Variants in ABCA3 observed in about 807,000 individuals in gnomAD.
ABCA3 encodes ATP binding cassette subfamily A member 3.
In ABCA3, 88 loss-of-function variants were observed where a neutral mutation model predicts 172.8. The observed-to-expected ratio is 0.51, with a 90% CI of 0.43 to 0.61. ABCA3 has a LOEUF of 0.61. ABCA3 is among the 20% of genes least tolerant of loss of function. The pLI, the probability that ABCA3 is intolerant of heterozygous loss-of-function variation, is 0.00. For synonymous variants in ABCA3, 1,066 were observed against 983.8 expected (o/e 1.08, Z -1.56); for missense variants, 2,164 against 2,301.0 (o/e 0.94, Z 1.22).
At position 2,297,031 on chromosome 16, in the gene ABCA3, G is replaced by A. The variant is rs541078928; in HGVS notation, c.2263+298C>T. 6.6e-6 allele frequency among the ~76,000 whole-genome samples: 1 copy of A among 152,304 alleles called. No homozygotes were observed. The highest frequency in any genetic ancestry group is 2.4e-5 in the African/African-American group (1 of 41,568). On this transcript the variant is annotated intron_variant, in intron 17 of 32. Transcript: ENST00000301732. This position sits in a 1 kb window ranked among gnomAD's most constrained non-coding sequence, Gnocchi z 5.6. Reference sequence around the variant, plus strand: ...CTCACGTGGGAGCTGCCATGTTGGTGCGTGTGTTGGCCTCTCCAAGGGCAG... The same window carrying A: ...CTCACGTGGGAGCTGCCATGTTGGTACGTGTGTTGGCCTCTCCAAGGGCAG...
rs2093662216 is a variant in ABCA3, at chr16:2,285,788, T to C, written c.3279-142A>G. 6 of 797,028 alleles carry C rather than the reference T, an allele frequency of 7.5e-6. No individual in the cohort carries two copies. The highest frequency in any genetic ancestry group is 2.7e-5 in the East Asian group (1 of 37,584). The allele number at this position is 797,028 out of a possible 1,614,324, so 49.4% of individuals were successfully genotyped here. A position where few individuals can be genotyped will look rare whatever the true frequency, so the allele number is the denominator to read the frequency against. ...GGCTTATGGGAGAGCACAAGCACCA[T>C]GGTTCCATACCGGGAACATCTGCCC... On this transcript the variant is annotated intron_variant, in intron 22 of 32. Coordinates refer to ENST00000301732, the MANE Select transcript of ABCA3 (RefSeq NM_001089.3). This position sits in a 1 kb window ranked among gnomAD's most constrained non-coding sequence, Gnocchi z 4.7.
chr16:2,329,140 T>C (rs924886009), intron 2 of ABCA3, among the ~76,000 whole-genome samples: 1 of 152,118 alleles, frequency 6.6e-6, no homozygotes, highest in African/African-American at 2.4e-5. Flanking sequence ...ATGAATCATA[T>C]TGTTAAAAAG....
chr16:2,297,862 G>A lies in ABCA3; in HGVS notation c.1956C>T (p.Ile652=), dbSNP rs767451709. 4.8e-5 allele frequency: 78 copies of A among 1,613,716 alleles called. No homozygotes were observed. Among genetic ancestry groups the A allele is most frequent in the East Asian group, 4.0e-4 (18 of 44,866 alleles). Residue 652 remains isoleucine, a synonymous_variant, in exon 16 of 33, where the codon ATC becomes ATT. Transcript: ENST00000301732. The surrounding 1 kb of genome is among the most constrained non-coding windows in gnomAD (Gnocchi z 5.6). ...PEEVKQMLHI[I]GLEDKWNSRS... ...GTGAGTTCCACTTGTCCTCCAGGCC[G>A]ATGATGTGCAGCATCTGCTTGACTT...
At chr16:2,305,121 T>C (rs927061921) in intron 11 of ABCA3, among the ~76,000 whole-genome samples, 4 of 151,202 alleles carry the variant, frequency 2.6e-5, no homozygotes, top group Admixed American at 1.3e-4. Flanking sequence ...CCAGTATAAG[T>C]CTTTATTTGT....
intron 12 of ABCA3, among the ~76,000 whole-genome samples, chr16:2,302,644 T>A (rs1457150209): frequency 1.3e-5 from 2 of 152,030 alleles, no homozygotes. Flanking sequence ...CTGGCTAATT[T>A]TTTAAATTTT....
Position 2,297,205 on chromosome 16 carries a change from C to T in ABCA3, c.2263+124G>A, listed in dbSNP as rs2093681131. 4.6e-6 allele frequency: 5 copies of T among 1,083,330 alleles called. No individual in the cohort carries two copies. The highest frequency in any genetic ancestry group is 6.8e-6 in the Non-Finnish European group (5 of 734,458). 67.1% of individuals were successfully genotyped at this position (1,083,330 alleles called of 1,614,324 possible). A position where few individuals can be genotyped will look rare whatever the true frequency, so the allele number is the denominator to read the frequency against. On this transcript the variant is annotated intron_variant, in intron 17 of 32. Transcript: ENST00000301732. The surrounding 1 kb of genome is among the most constrained non-coding windows in gnomAD (Gnocchi z 5.6). Reference sequence around the variant, plus strand: ...GGTTGGGCTCTCCACCCAGAGGCAACAGACAGGAAGTCTAGAAAAGGCCAC... The same window carrying T: ...GGTTGGGCTCTCCACCCAGAGGCAATAGACAGGAAGTCTAGAAAAGGCCAC...
In ABCA3 at chr16:2,278,857, G is replaced by A; in HGVS notation, c.4547+86C>T. 1 of 1,580,198 alleles carries A rather than the reference G, an allele frequency of 6.3e-7. No individual in the cohort carries two copies. Among genetic ancestry groups the A allele is most frequent in the Non-Finnish European group, 8.6e-7 (1 of 1,156,524 alleles). ...GCCACAAGCAGGAGCTCTGGCTGCT[G>A]ACCTGAGCGGTCACTCCCAGCTCTA... On this transcript the variant is annotated intron_variant, in intron 29 of 32. Coordinates refer to ENST00000301732, the MANE Select transcript of ABCA3 (RefSeq NM_001089.3). The surrounding 1 kb of genome is among the most constrained non-coding windows in gnomAD (Gnocchi z 4.4).
intron 7 of ABCA3, among the ~76,000 whole-genome samples, chr16:2,321,629 T>C (rs1279419050): frequency 1.3e-5 from 2 of 152,066 alleles, no homozygotes; most frequent in African/African-American, 4.8e-5. Context: ...CCGAGTCACT[T>C]CTTGGCTGTC....
chr16:2,295,774 T>C, intron 17 of ABCA3, 34 bp from the exon 18 acceptor site: 2 of 1,613,226 alleles, frequency 1.2e-6, no homozygotes, highest in African/African-American at 2.7e-5. Context: ...GATCTTTGGC[T>C]GATCCCCCAG....
At chr16:2,326,807 G>A (rs2093735173) in intron 3 of ABCA3, among the ~76,000 whole-genome samples, 1 of 152,150 alleles carries the variant, frequency 6.6e-6, no homozygotes, top group South Asian at 2.1e-4. Context: ...GGCCAACATG[G>A]TGAAACCCCG....
In ABCA3 at chr16:2,284,322, G is replaced by C; in HGVS notation, c.3819C>G (p.Tyr1273Ter). 6.2e-7 allele frequency: 1 copy of C among 1,613,890 alleles called. No homozygotes were observed. Among genetic ancestry groups the C allele is most frequent in the Non-Finnish European group, 8.5e-7 (1 of 1,180,002 alleles). The change falls in exon 25 of 33, where the codon TAC becomes TAG. Residue 1273 changes from tyrosine (Y) to a stop codon, truncating the protein, a stop_gained. Transcript: ENST00000301732. LOFTEE classifies it high-confidence loss of function. The surrounding 1 kb of genome is among the most constrained non-coding windows in gnomAD (Gnocchi z 5.9). The stretch of plus-strand genomic sequence containing the variant: ...GGGCGGCGACCTCGGAGGAGGTGCA[G>C]TACCTCCGCGTCTCGTAGTTCTCGT... ...SFYENYETRR[Y>*]CTSSEVAAHY... is the part of the protein sequence containing the mutation.
chr16:2,303,591 A>G (rs1251057421), intron 12 of ABCA3, among the ~76,000 whole-genome samples: 1 of 152,028 alleles, frequency 6.6e-6, no homozygotes, highest in African/African-American at 2.4e-5. Flanking sequence ...TTTTTATAAG[A>G]AGCTAGATTT....
rs548032591 is a variant in ABCA3, at chr16:2,279,993, T to A, written c.4360-863A>T. Reference sequence around the variant, plus strand: ...CTCGAACTCTAGACCTCAAGTGATCTGCCTGCCTTGGCCTTCCAAAGCTGG... The same window carrying A: ...CTCGAACTCTAGACCTCAAGTGATCAGCCTGCCTTGGCCTTCCAAAGCTGG... On this transcript the variant is annotated intron_variant, in intron 28 of 32. Transcript: ENST00000301732. The surrounding 1 kb of genome is among the most constrained non-coding windows in gnomAD (Gnocchi z 4.4). 5.6e-4 allele frequency among the ~76,000 whole-genome samples: 85 copies of A among 152,370 alleles called. No homozygotes were observed. The highest frequency in any genetic ancestry group is 1.1e-3 in the Admixed American group (17 of 15,304).
rs528606562 is a variant in ABCA3, at chr16:2,286,484, C to A, written c.3278+210G>T. Among the ~76,000 whole-genome samples the A allele has an allele frequency of 1.9e-4, 29 of 152,162 alleles. No individual in the cohort carries two copies. The highest frequency in any genetic ancestry group is 3.8e-4 in the Non-Finnish European group (26 of 68,030). Reference sequence around the variant, plus strand: ...AGCCTTCATGGGTCCCCGTGAGGACCGCAGTGCATGGGATGGCCCACAGCT... The same window carrying A: ...AGCCTTCATGGGTCCCCGTGAGGACAGCAGTGCATGGGATGGCCCACAGCT... On this transcript the variant is annotated intron_variant, in intron 22 of 32. Coordinates refer to ENST00000301732, the MANE Select transcript of ABCA3 (RefSeq NM_001089.3). The surrounding 1 kb of genome is among the most constrained non-coding windows in gnomAD (Gnocchi z 5.2).
intron 4 of ABCA3, 38 bp from the exon 5 acceptor site, chr16:2,326,312 A>C: frequency 6.2e-7 from 1 of 1,611,504 alleles, no homozygotes; most frequent in Non-Finnish European, 8.5e-7. Context: ...ATGGGCTGCA[A>C]GGCAGAAGCA....
chr16:2,288,929 A>G, intron 20 of ABCA3: 1 of 189,984 alleles, frequency 5.3e-6, no homozygotes, highest in Non-Finnish European at 1.1e-5. Context: ...ACACCACCAC[A>G]CAGGTCACAG....
chr16:2,323,756 G>GT (rs1258092617), intron 6 of ABCA3, 68 bp from the exon 7 acceptor site: 2 of 1,583,942 alleles, frequency 1.3e-6, no homozygotes, highest in Non-Finnish European at 1.7e-6. Flanking sequence ...ACAGGGTGGA[G>GT]TGGGAGAGCG....
chr16:2,278,280 G>C lies in ABCA3; in HGVS notation c.4718+8C>G, dbSNP rs2093649674. 6.2e-7 allele frequency: 1 copy of C among 1,606,754 alleles called. No homozygotes were observed. The highest frequency in any genetic ancestry group is 8.5e-7 in the Non-Finnish European group (1 of 1,179,988). On this transcript the variant is annotated splice_region_variant and intron_variant, in intron 30 of 32. Coordinates refer to ENST00000301732, the MANE Select transcript of ABCA3 (RefSeq NM_001089.3). The surrounding 1 kb of genome is among the most constrained non-coding windows in gnomAD (Gnocchi z 4.4). ...AAACTTCCAGTAACCCACAGACCCA[G>C]GCTCTACCTGTGGGAGGTGATGATG... is the stretch of plus-strand genomic sequence containing the variant.
intron 12 of ABCA3, among the ~76,000 whole-genome samples, chr16:2,303,568 C>A (rs1212268868): frequency 6.6e-6 from 1 of 152,110 alleles, no homozygotes; most frequent in Non-Finnish European, 1.5e-5. Context: ...CCACGCCTGG[C>A]CGAATGTGAA....
Sources: gnomAD v4.1 joint callset for allele counts (sites outside exome capture counted in the v4.1 genomes callset) on GRCh38, gnomAD v4.1.1 for gene constraint, Gnocchi (gnomAD v3.1) non-coding constraint, MANE v1.5 for transcripts, NCBI Gene and HGNC (gene_info 2026-07-23, HGNC 2026-07-21) for gene names.